NRXN1: variants seen among roughly 807,000 people sequenced by gnomAD.
NRXN1 encodes the protein neurexin-1.
Under a neutral mutation model 150.9 loss-of-function variants are expected in NRXN1, and 39 were observed. That is an observed-to-expected ratio of 0.26 (90% CI 0.20 to 0.34). NRXN1 has a LOEUF of 0.34. Among genes scored for constraint, NRXN1 ranks in the 10% least tolerant of loss-of-function variants. NRXN1 has a pLI of 1.00. For missense variants in NRXN1, 1,815 were observed against 1,949.9 expected, an observed-to-expected ratio of 0.93 and a Z score of 1.30; for synonymous variants, 924 against 757.0, an observed-to-expected ratio of 1.22 and a Z score of -3.62.
chr2:50,595,366 G>A lies in NRXN1; in HGVS notation c.1320+24656C>T, dbSNP rs1392021180. Among the ~76,000 whole-genome samples the A allele has an allele frequency of 5.3e-4, 79 of 150,388 alleles. 1 individual carries two copies. Among genetic ancestry groups the A allele is most frequent in the African/African-American group, 1.9e-3 (77 of 40,996 alleles). ...TTTTCTCTGTACTACTTTTTTGCAA[G>A]AAGTGGGGCATGCTCCAAATCCCTT... On this transcript the variant is annotated intron_variant, in intron 8 of 22. Transcript: ENST00000401669.
At chr2:50,692,320 T>C (rs1380919570) in intron 5 of NRXN1, among the ~76,000 whole-genome samples, 3 of 152,178 alleles carry the variant, frequency 2.0e-5, no homozygotes, top group African/African-American at 7.2e-5. Context: ...TTTCTAGTGG[T>C]TTCTATTTTA....
intron 17 of NRXN1, chr2:50,464,376 T>C (rs979362591): frequency 6.6e-6 from 1 of 151,866 alleles, no homozygotes; most frequent in Non-Finnish European, 1.5e-5. Context: ...AGCAGGTAAA[T>C]TGTACTTTAT....
intron 17 of NRXN1, among the ~76,000 whole-genome samples, chr2:50,332,893 T>C (rs2076922591): frequency 6.6e-6 from 1 of 152,174 alleles, no homozygotes; most frequent in Non-Finnish European, 1.5e-5. Context: ...CCTCATTTCT[T>C]TTCCAAAAGA....
intron 17 of NRXN1, among the ~76,000 whole-genome samples, chr2:50,335,564 C>G (rs779302416): frequency 6.6e-6 from 1 of 150,736 alleles, no homozygotes; most frequent in Non-Finnish European, 1.5e-5. Context: ...AATCTAAATT[C>G]TAAAGGAATG....
At chr2:50,824,090 G>C (rs868785841) in intron 5 of NRXN1, among the ~76,000 whole-genome samples, 1 of 152,032 alleles carries the variant, frequency 6.6e-6, no homozygotes, top group East Asian at 1.9e-4. Flanking sequence ...AGAATTTAGA[G>C]GAAGTCAGAG....
chr2:50,615,472 A>T (rs1488036143), intron 8 of NRXN1: 3 of 152,162 alleles, frequency 2.0e-5, no homozygotes, highest in Non-Finnish European at 4.4e-5. Flanking sequence ...ATTTCAGAGC[A>T]TTTCGGGGGC....
intron 2 of NRXN1, 105 bp downstream of exon 2, chr2:51,027,397 C>A (rs1186599565): frequency 7.5e-6 from 9 of 1,207,814 alleles, no homozygotes; most frequent in Non-Finnish European, 7.6e-6. Flanking sequence ...AAGCGAACTG[C>A]CACACGTTTG....
At chr2:50,045,521 T>C (rs971143132) in intron 21 of NRXN1, among the ~76,000 whole-genome samples, 1 of 152,028 alleles carries the variant, frequency 6.6e-6, no homozygotes, top group African/African-American at 2.4e-5. Context: ...ATTTTTGTAC[T>C]TTTCCTTCCT....
At chr2:50,953,136 T>C (rs1410053617) in intron 2 of NRXN1, among the ~76,000 whole-genome samples, 1 of 152,206 alleles carries the variant, frequency 6.6e-6, no homozygotes, top group Non-Finnish European at 1.5e-5. Context: ...CACTTCCTGA[T>C]GGAATTGCAC....
intron 5 of NRXN1, among the ~76,000 whole-genome samples, chr2:50,654,993 AAAAAGGTCT>A (rs928282341): frequency 2.4e-4 from 36 of 152,100 alleles, no homozygotes; most frequent in African/African-American, 7.2e-4. Context: ...CAAAAGAATA[AAAAAGGTCT>A]AATTAATTTG....
intron 17 of NRXN1, among the ~76,000 whole-genome samples, chr2:50,455,873 G>A (rs138114380): frequency 6.6e-6 from 1 of 152,294 alleles, no homozygotes; most frequent in East Asian, 1.9e-4. Flanking sequence ...GAGAAGCTTT[G>A]CAAGCAAATT....
At chr2:50,060,044 C>T (rs1322648509) in intron 19 of NRXN1, among the ~76,000 whole-genome samples, 3 of 152,258 alleles carry the variant, frequency 2.0e-5, no homozygotes, top group Non-Finnish European at 4.4e-5. Context: ...GGCCACTGTC[C>T]TCCAGACACC....
intron 18 of NRXN1, among the ~76,000 whole-genome samples, chr2:50,203,110 T>G (rs1369776364): frequency 6.6e-6 from 1 of 152,152 alleles, no homozygotes; most frequent in Non-Finnish European, 1.5e-5. Context: ...GTACTGCAGG[T>G]GAAGAGCTAG....
intron 5 of NRXN1, among the ~76,000 whole-genome samples, chr2:50,693,631 A>G (rs1029141593): frequency 1.3e-4 from 20 of 152,318 alleles, no homozygotes; most frequent in African/African-American, 4.6e-4. Context: ...GCAGCTTGCA[A>G]CCACTAACTG....
intron 17 of NRXN1, among the ~76,000 whole-genome samples, chr2:50,348,153 A>G (rs1219138576): frequency 2.6e-5 from 4 of 152,184 alleles, no homozygotes; most frequent in Non-Finnish European, 5.9e-5. Context: ...AATCTGCTAA[A>G]TATGGCTTGA....
chr2:51,022,306 C>T (rs1436919047), intron 2 of NRXN1, among the ~76,000 whole-genome samples: 1 of 152,100 alleles, frequency 6.6e-6, no homozygotes, highest in Non-Finnish European at 1.5e-5. Flanking sequence ...GCAGTATTCT[C>T]ATCCCAATTT....
chr2:50,182,561 T>C (rs2060801535), intron 18 of NRXN1, among the ~76,000 whole-genome samples: 1 of 152,078 alleles, frequency 6.6e-6, no homozygotes, highest in South Asian at 2.1e-4. Context: ...TTTGTCCACA[T>C]AAATTTGACC....
At chr2:50,761,809 A>C (rs1373204786) in intron 5 of NRXN1, among the ~76,000 whole-genome samples, 1 of 151,900 alleles carries the variant, frequency 6.6e-6, no homozygotes, top group African/African-American at 2.4e-5. Flanking sequence ...AGGAAGAGGA[A>C]CATGAAAGAA....
intron 21 of NRXN1, among the ~76,000 whole-genome samples, chr2:49,950,835 A>G (rs944277468): frequency 6.6e-6 from 1 of 151,956 alleles, no homozygotes; most frequent in African/African-American, 2.4e-5. Flanking sequence ...TTTCATGAAT[A>G]TGTAGGGCAA....
Sources: allele counts gnomAD v4.1 joint callset (sites outside exome capture counted in the v4.1 genomes callset), GRCh38; gene constraint gnomAD v4.1.1; transcripts MANE v1.5; gene names NCBI Gene and HGNC (gene_info 2026-07-23, HGNC 2026-07-21).